Variants in BTBD8 observed in about 807,000 individuals in gnomAD.
BTBD8 encodes BTB domain containing 8, also known as BTB/POZ domain-containing protein 8.
BTBD8 carries 110 observed loss-of-function variants against 162.9 expected under a neutral mutation model. The ratio of observed to expected loss-of-function variants is 0.68; its 90% CI spans 0.58 to 0.79. BTBD8 has a LOEUF of 0.79. Among genes scored for constraint, BTBD8 ranks in the 30% least tolerant of loss-of-function variants. The pLI is 0.00. For synonymous variants in BTBD8, 667 were observed against 716.1 expected (o/e 0.93, Z 1.10); for missense variants, 1,905 against 2,085.4 (o/e 0.91, Z 1.68).
At chr1:92,156,968 T>C (rs1570749098) in intron 9 of BTBD8, among the ~76,000 whole-genome samples, 1 of 152,060 alleles carries the variant, frequency 6.6e-6, no homozygotes, top group East Asian at 1.9e-4. Flanking sequence ...GTTGGTTTGC[T>C]AACTTCAGGC....
At chr1:92,148,155 C>G (rs1171007309) in intron 9 of BTBD8, among the ~76,000 whole-genome samples, 1 of 152,194 alleles carries the variant, frequency 6.6e-6, no homozygotes, top group Non-Finnish European at 1.5e-5. Context: ...AATCAGCCAT[C>G]TACCTGGTGG....
chr1:92,166,699 A>G (rs1650395495), intron 9 of BTBD8, among the ~76,000 whole-genome samples: 1 of 152,158 alleles, frequency 6.6e-6, no homozygotes, highest in Admixed American at 6.5e-5. Flanking sequence ...TACTGGGATT[A>G]TAGGAATGAG....
intron 6 of BTBD8, 144 bp downstream of exon 6, chr1:92,139,574 A>G: frequency 7.7e-7 from 1 of 1,304,280 alleles, no homozygotes; most frequent in Non-Finnish European, 9.7e-7. Flanking sequence ...AGAACATCTA[A>G]AAACAATAAG....
At position 92,173,082 on chromosome 1, in the gene BTBD8, T is replaced by C. The variant is rs142227253; in HGVS notation, c.1635+1622T>C. Among the ~76,000 whole-genome samples the C allele has an allele frequency of 1.8e-3, 272 of 152,284 alleles. 3 individuals carry two copies. Among genetic ancestry groups the C allele is most frequent in the African/African-American group, 5.9e-3 (245 of 41,568 alleles). On this transcript the variant is annotated intron_variant, in intron 13 of 17. Coordinates refer to ENST00000636805, the MANE Select transcript of BTBD8 (RefSeq NM_001376131.1). ...CTGGGATTACAGGAATGTGCCACCA[T>C]GCCTGCCTAATTTTGTATTTTTAGT...
rs1382317582 is a variant in BTBD8 at position 92,180,950 on chromosome 1, C to T, written c.3267C>T (p.Ala1089=). ...ATTCAAAATTTTATAGCACCACAGC[C>T]CTAAAATACATGGTTTCAAATCCAA... ...NVNSKFYSTT[A]LKYMVSNPNE... The change falls in exon 17 of 18, where the codon GCC becomes GCT. Residue 1089 remains alanine, a synonymous_variant. Coordinates refer to ENST00000636805, the MANE Select transcript of BTBD8 (RefSeq NM_001376131.1). 3 of 1,551,476 alleles carry T rather than the reference C, an allele frequency of 1.9e-6. No homozygotes were observed. Among genetic ancestry groups the T allele is most frequent in the South Asian group, 1.2e-5 (1 of 84,052 alleles).
At position 92,117,040 on chromosome 1, in the gene BTBD8, GGTTC is replaced by G. The variant is rs1392333448; in HGVS notation, c.662+9040_662+9043del. On this transcript the variant is annotated intron_variant, in intron 4 of 17. Coordinates refer to ENST00000636805, the MANE Select transcript of BTBD8 (RefSeq NM_001376131.1). ...ATTTAAAAAATTTTTTGTAGAGATGGGTTCTCGCATTATTGCTCAGGCTGGTCTT... is the reference window on the plus strand; with the variant it reads ...ATTTAAAAAATTTTTTGTAGAGATGGTCGCATTATTGCTCAGGCTGGTCTT... 1.1e-4 allele frequency among the ~76,000 whole-genome samples: 17 copies of G among 151,752 alleles called. No individual in the cohort carries two copies. The South Asian group carries it at 2.1e-3, about 19-fold the overall frequency.
Position 92,139,932 on chromosome 1 carries a change from C to CAAAAAAAAAAAAAAAAA in BTBD8, c.833+517_833+533dup, listed in dbSNP as rs748883480. On this transcript the variant is annotated intron_variant, in intron 6 of 17. Coordinates refer to ENST00000636805, the MANE Select transcript of BTBD8 (RefSeq NM_001376131.1). Reference sequence around the variant, plus strand: ...TGAAACCTCGTCTCTACTAAAAATACAAAAAAAAAAAAAAAAAAAAAAAAA... The same window carrying CAAAAAAAAAAAAAAAAA: ...TGAAACCTCGTCTCTACTAAAAATACAAAAAAAAAAAAAAAAAAAAAAAAAAAAAAAAAAAAAAAAAA... 11 of 18,218 alleles carry CAAAAAAAAAAAAAAAAA rather than the reference C, an allele frequency of 6.0e-4. 1 individual carries two copies. The highest frequency in any genetic ancestry group is 3.7e-3 in the East Asian group (2 of 540). The allele number at this position is 18,218 out of a possible 1,614,324, so 1.1% of individuals were successfully genotyped here. A position where few individuals can be genotyped will look rare whatever the true frequency, so the allele number is the denominator to read the frequency against.
intron 12 of BTBD8, among the ~76,000 whole-genome samples, chr1:92,171,103 G>A (rs927255098): frequency 2.0e-5 from 3 of 151,916 alleles, no homozygotes; most frequent in African/African-American, 7.2e-5. Context: ...CACAGTTTGA[G>A]AAAATTCTCA....
chr1:92,180,805 A>G lies in BTBD8; in HGVS notation c.3122A>G (p.Glu1041Gly). The change falls in exon 17 of 18, where the codon GAA (glutamate) becomes GGA (glycine). Residue 1041 changes from glutamate to glycine, a missense_variant. By Grantham distance (98) the Glu-to-Gly change is moderately conservative. This residue lies in a region of BTBD8 where 1,374 missense variants were observed against 1,442.7 expected (regional missense o/e 0.95). Transcript: ENST00000636805. ...ISKLDKSLKH[E>G]LESKQICLDK... is the part of the protein sequence containing the mutation. ...AAGCTGGATAAATCATTAAAACACG[A>G]ACTGGAATCAAAACAGATTTGTTTA... is the stretch of plus-strand genomic sequence containing the variant. 5 of 1,551,630 alleles carry G rather than the reference A, an allele frequency of 3.2e-6. No homozygotes were observed. The highest frequency in any genetic ancestry group is 4.4e-6 in the Non-Finnish European group (5 of 1,146,968).
In BTBD8 at chr1:92,126,516, A is replaced by G. The variant is rs1649364683; in HGVS notation, c.663-3171A>G. Reference sequence around the variant, plus strand: ...CTCCTCTCCTCAATCCTCTTCACTCATGCAGACCGCTTTATTTTCGCTATT... The same window carrying G: ...CTCCTCTCCTCAATCCTCTTCACTCGTGCAGACCGCTTTATTTTCGCTATT... On this transcript the variant is annotated intron_variant, in intron 4 of 17. Coordinates refer to ENST00000636805, the MANE Select transcript of BTBD8 (RefSeq NM_001376131.1). 8.9e-6 allele frequency: 5 copies of G among 561,636 alleles called. No homozygotes were observed. The Admixed American group carries it at 1.0e-4, about 12-fold the overall frequency. The allele number at this position is 561,636 out of a possible 1,614,324, so 34.8% of individuals were successfully genotyped here.
At position 92,147,713 on chromosome 1, in the gene BTBD8, G is replaced by A. The variant is rs778013354; in HGVS notation, c.1049G>A (p.Trp350Ter). Residue 350 changes from tryptophan to a stop codon, truncating the protein, a stop_gained, in exon 9 of 18, where the codon TGG (tryptophan) becomes TAG (stop). Coordinates refer to ENST00000636805, the MANE Select transcript of BTBD8 (RefSeq NM_001376131.1). LOFTEE classifies it high-confidence loss of function. ...KWIVKHFARF[W>*]SERSFANIPP... ...ATTGTAAAGCATTTTGCAAGGTTTT[G>A]GTCTGAGAGAAGCTTTGCAAATATA... 6.2e-7 allele frequency: 1 copy of A among 1,612,944 alleles called. No homozygotes were observed. The highest frequency in any genetic ancestry group is 8.5e-7 in the Non-Finnish European group (1 of 1,179,682).
chr1:92,140,834 TTTG>T (rs1649759150), intron 6 of BTBD8, among the ~76,000 whole-genome samples: 2 of 152,228 alleles, frequency 1.3e-5, no homozygotes, highest in African/African-American at 4.8e-5. Flanking sequence ...TTTCTTGGAT[TTTG>T]TTCTGTATGT....
Position 92,080,660 on chromosome 1 carries a change from C to A in BTBD8, c.89C>A (p.Pro30Gln). 1 of 1,613,438 alleles carries A rather than the reference C, an allele frequency of 6.2e-7. No homozygotes were observed. Among genetic ancestry groups the A allele is most frequent in the Non-Finnish European group, 8.5e-7 (1 of 1,179,754 alleles). ...VCSKGLQRKG[P>Q]CERRRLKATV... ...AGTAAGGGGTTGCAAAGGAAGGGGC[C>A]GTGTGAGCGGCGCCGGCTGAAGGCG... Residue 30 changes from proline to glutamine, a missense_variant, in exon 1 of 18, where the codon CCG becomes CAG. Around this residue, in one of 3 missense-constraint regions of BTBD8, gnomAD observed 1,374 missense variants for 1,442.7 expected, o/e 0.95. Coordinates refer to ENST00000636805, the MANE Select transcript of BTBD8 (RefSeq NM_001376131.1).
At position 92,094,702 on chromosome 1, in the gene BTBD8, A is replaced by G. The variant is rs1004706370; in HGVS notation, c.347+5807A>G. Among the ~76,000 whole-genome samples the G allele has an allele frequency of 2.0e-5, 3 of 152,186 alleles. No homozygotes were observed. In the East Asian group the frequency reaches 5.8e-4, roughly 29 times the overall value. On this transcript the variant is annotated intron_variant, in intron 2 of 17. Coordinates refer to ENST00000636805, the MANE Select transcript of BTBD8 (RefSeq NM_001376131.1). ...TGCTTGCTTTATGACCTCATGATTAAAATTCAATTCAGGATCATAAAAATC... is the reference window on the plus strand; with the variant it reads ...TGCTTGCTTTATGACCTCATGATTAGAATTCAATTCAGGATCATAAAAATC...
intron 5 of BTBD8, among the ~76,000 whole-genome samples, chr1:92,132,175 A>T (rs891945226): frequency 6.6e-6 from 1 of 152,236 alleles, no homozygotes; most frequent in East Asian, 1.9e-4. Flanking sequence ...TAGTAGGCAC[A>T]TTAGGAGAAA....
At chr1:92,141,915 T>G (rs1649782376) in intron 7 of BTBD8, among the ~76,000 whole-genome samples, 1 of 152,244 alleles carries the variant, frequency 6.6e-6, no homozygotes, top group Non-Finnish European at 1.5e-5. Flanking sequence ...TCTCTCTTAC[T>G]GGTGTTTGAA....
intron 4 of BTBD8, chr1:92,126,028 A>G: frequency 2.1e-6 from 1 of 477,536 alleles, no homozygotes; most frequent in Non-Finnish European, 4.2e-6. Context: ...AGAAGAATCC[A>G]TATGGGAAGC....
At chr1:92,083,610 T>C (rs1332091858) in intron 1 of BTBD8, among the ~76,000 whole-genome samples, 1 of 152,166 alleles carries the variant, frequency 6.6e-6, no homozygotes, top group Non-Finnish European at 1.5e-5. Context: ...AGACTAAGAC[T>C]GGATCACAGG....
At chr1:92,130,745 C>T (rs1649497612) in intron 5 of BTBD8, among the ~76,000 whole-genome samples, 1 of 152,140 alleles carries the variant, frequency 6.6e-6, no homozygotes, top group Non-Finnish European at 1.5e-5. Flanking sequence ...GTCACCCAGG[C>T]TGGAGTCAAG....
Sources: allele counts gnomAD v4.1 joint callset (sites outside exome capture counted in the v4.1 genomes callset), GRCh38; gene constraint gnomAD v4.1.1; regional missense constraint gnomAD v4.1.1; transcripts MANE v1.5; gene names NCBI Gene and HGNC (gene_info 2026-07-23, HGNC 2026-07-21).